The following SCAND3 variants were observed in gnomAD, a reference collection of about 807,000 sequenced individuals.
The protein encoded by SCAND3 is SCAN domain containing 3.
At chr6:28,598,890 A>AAG in the SCAND3 span, among the ~76,000 whole-genome samples, 17 of 149,008 alleles carry the variant, frequency 1.1e-4, no homozygotes, top group African/African-American at 3.4e-4. Flanking sequence ...AAAAAAAAAA[A>AAG]AAAAGAAAAA....
At chr6:28,578,806 A>G in the SCAND3 span, among the ~76,000 whole-genome samples, 4 of 152,150 alleles carry the variant, frequency 2.6e-5, no homozygotes, top group African/African-American at 9.7e-5. Flanking sequence ...ACCAGGCCAG[A>G]CTCCACCTCT....
At chr6:28,592,203 T>A in the SCAND3 span, among the ~76,000 whole-genome samples, 1 of 152,162 alleles carries the variant, frequency 6.6e-6, no homozygotes. This position sits in a 1 kb window ranked among gnomAD's most constrained non-coding sequence, Gnocchi z 4.1. Context: ...ATCCTAAAGA[T>A]GTTACAGAAA....
the SCAND3 span, among the ~76,000 whole-genome samples, chr6:28,613,413 T>A: frequency 6.6e-6 from 1 of 152,234 alleles, no homozygotes; most frequent in African/African-American, 2.4e-5. Context: ...CTGAAAAGAC[T>A]AGATATTTCA....
the SCAND3 span, among the ~76,000 whole-genome samples, chr6:28,601,923 A>C: frequency 6.6e-6 from 1 of 152,078 alleles, no homozygotes; most frequent in Non-Finnish European, 1.5e-5. Context: ...GGTAACCCCT[A>C]GCTCTTTCCT....
the SCAND3 span, among the ~76,000 whole-genome samples, chr6:28,592,194 T>G: frequency 6.6e-6 from 1 of 152,046 alleles, no homozygotes; most frequent in Non-Finnish European, 1.5e-5. The surrounding 1 kb of genome is among the most constrained non-coding windows in gnomAD (Gnocchi z 4.1). Flanking sequence ...CAAATAGAAA[T>G]CCTAAAGATG....
At chr6:28,595,614 C>T in the SCAND3 span, among the ~76,000 whole-genome samples, 5 of 150,958 alleles carry the variant, frequency 3.3e-5, no homozygotes, top group African/African-American at 4.9e-5. Context: ...CCCCACTACT[C>T]GGGAGGCTGA....
chr6:28,595,722 C>T, the SCAND3 span, among the ~76,000 whole-genome samples: 28 of 138,812 alleles, frequency 2.0e-4, no homozygotes, highest in South Asian at 2.5e-3. Flanking sequence ...AACTCCGTCT[C>T]AAAAAAAAAA....
the SCAND3 span, chr6:28,574,990 C>A: frequency 6.2e-7 from 1 of 1,613,734 alleles, no homozygotes. Flanking sequence ...ACTGTCTGTT[C>A]CAGTCTCAAT....
chr6:28,574,848 A>T, the SCAND3 span: 1 of 1,614,010 alleles, frequency 6.2e-7, no homozygotes, highest in Non-Finnish European at 8.5e-7. Context: ...TATTTCCATC[A>T]CATGATATAC....
At chr6:28,604,268 A>G in the SCAND3 span, among the ~76,000 whole-genome samples, 7 of 152,292 alleles carry the variant, frequency 4.6e-5, no homozygotes, top group South Asian at 1.5e-3. Flanking sequence ...TTTTGGCTTT[A>G]TCTTTCAGCT....
chr6:28,572,769 AGAG>A, the SCAND3 span: 4 of 1,613,944 alleles, frequency 2.5e-6, no homozygotes, highest in Non-Finnish European at 3.4e-6. The surrounding 1 kb of genome is among the most constrained non-coding windows in gnomAD (Gnocchi z 4.1). Context: ...CACATAATAA[AGAG>A]AATAATCTTG....
the SCAND3 span, chr6:28,572,481 T>C: frequency 6.2e-7 from 1 of 1,613,412 alleles, no homozygotes; most frequent in Non-Finnish European, 8.5e-7. This position sits in a 1 kb window ranked among gnomAD's most constrained non-coding sequence, Gnocchi z 4.1. Flanking sequence ...ACTTCTGTTT[T>C]TGTCCTTCAA....
At chr6:28,572,828 C>T in the SCAND3 span, 2 of 1,613,302 alleles carry the variant, frequency 1.2e-6, no homozygotes, top group African/African-American at 1.3e-5. This position sits in a 1 kb window ranked among gnomAD's most constrained non-coding sequence, Gnocchi z 4.1. Context: ...TTTACTATAT[C>T]ATTAAGTACA....
the SCAND3 span, chr6:28,573,915 G>T: frequency 1.5e-6 from 2 of 1,344,562 alleles, no homozygotes; most frequent in Non-Finnish European, 1.9e-6. Flanking sequence ...AACTAGATTT[G>T]ATTAAAATAA....
At chr6:28,574,145 T>C in the SCAND3 span, among the ~76,000 whole-genome samples, 2 of 152,138 alleles carry the variant, frequency 1.3e-5, no homozygotes, top group African/African-American at 4.8e-5. Context: ...GTAAGATGAG[T>C]CCATTAATCA....
the SCAND3 span, among the ~76,000 whole-genome samples, chr6:28,610,617 A>G: frequency 6.6e-6 from 1 of 152,174 alleles, no homozygotes; most frequent in Non-Finnish European, 1.5e-5. Flanking sequence ...CACAATCACA[A>G]GTAGTTTATA....
At chr6:28,575,470 T>C in the SCAND3 span, 1 of 1,613,988 alleles carries the variant, frequency 6.2e-7, no homozygotes, top group South Asian at 1.1e-5. This position sits in a 1 kb window ranked among gnomAD's most constrained non-coding sequence, Gnocchi z 4.2. Context: ...CGTAGGCCTT[T>C]TAGACTTTAA....
chr6:28,606,860 T>C, the SCAND3 span, among the ~76,000 whole-genome samples: 1 of 152,216 alleles, frequency 6.6e-6, no homozygotes, highest in African/African-American at 2.4e-5. Flanking sequence ...TTCAAACACG[T>C]AGGTCTCAGC....
chr6:28,598,660 C>T, the SCAND3 span, among the ~76,000 whole-genome samples: 1 of 150,576 alleles, frequency 6.6e-6, no homozygotes, highest in Non-Finnish European at 1.5e-5. Flanking sequence ...GCCTGGCCAA[C>T]ATTGTGAAAC....
Sources: allele counts gnomAD v4.1 joint callset (sites outside exome capture counted in the v4.1 genomes callset), GRCh38; gene constraint gnomAD v4.1.1; non-coding constraint Gnocchi (gnomAD v3.1); transcripts MANE v1.5; gene names NCBI Gene and HGNC (gene_info 2026-07-23, HGNC 2026-07-21).